Variants in NCMAP observed in about 807,000 individuals in gnomAD.
The protein encoded by NCMAP is non-compact myelin associated protein.
Under a neutral mutation model 7.8 loss-of-function variants are expected in NCMAP, and 8 were observed. That is an observed-to-expected ratio of 1.02 (90% CI 0.60 to 1.84). The LOEUF is 1.84. Ranked by LOEUF, NCMAP falls within the 40% of genes most tolerant of loss-of-function variation. NCMAP has a pLI of 0.00. For missense variants in NCMAP, 112 were observed against 131.4 expected (o/e 0.85, Z 0.72); for synonymous variants, 41 against 52.9 (o/e 0.78, Z 0.98).
chr1:24,604,701 G>C (rs1445034499), intron 3 of NCMAP, among the ~76,000 whole-genome samples: 1 of 129,428 alleles, frequency 7.7e-6, no homozygotes. Context: ...ATAATTGTTG[G>C]CCAGGCATAG....
chr1:24,595,080 G>A (rs1373276525), intron 1 of NCMAP, among the ~76,000 whole-genome samples: 1 of 152,136 alleles, frequency 6.6e-6, no homozygotes. Context: ...GTCAACTTGG[G>A]ACTCCAGGTA....
At chr1:24,559,943 C>T (rs1401649436) in intron 1 of NCMAP, among the ~76,000 whole-genome samples, 3 of 152,100 alleles carry the variant, frequency 2.0e-5, no homozygotes, top group Admixed American at 1.3e-4. Flanking sequence ...AGGTGGATCA[C>T]GAAGTCAGGA....
intron 1 of NCMAP, among the ~76,000 whole-genome samples, chr1:24,582,699 G>C (rs1011777575): frequency 2.6e-5 from 4 of 152,158 alleles, no homozygotes; most frequent in Non-Finnish European, 5.9e-5. Flanking sequence ...TTTGATTTTA[G>C]CCCACTAAGG....
intron 1 of NCMAP, among the ~76,000 whole-genome samples, chr1:24,577,433 G>GT (rs1329465061): frequency 5.1e-5 from 2 of 39,028 alleles, no homozygotes; most frequent in Admixed American, 2.6e-4. Context: ...TTTTTTTTTG[G>GT]TTTTTTTGTT....
chr1:24,559,930 G>C (rs917861231), intron 1 of NCMAP, among the ~76,000 whole-genome samples: 5 of 152,172 alleles, frequency 3.3e-5, no homozygotes, highest in African/African-American at 1.2e-4. Flanking sequence ...GGGAGGCCGA[G>C]GCAGGTGGAT....
rs1322981626 is a variant in NCMAP at position 24,576,372 on chromosome 1, G to A, written c.-7-19052G>A. Among the ~76,000 whole-genome samples the A allele has an allele frequency of 2.0e-5, 3 of 152,216 alleles. No individual in the cohort carries two copies. The highest frequency in any genetic ancestry group is 4.4e-5 in the Non-Finnish European group (3 of 68,042). Reference sequence around the variant, plus strand: ...TGTATCTTTGGGCCTATTGTGACTGGCCACTGGCCAGCTCACACCGTGGGC... The same window carrying A: ...TGTATCTTTGGGCCTATTGTGACTGACCACTGGCCAGCTCACACCGTGGGC... On this transcript the variant is annotated intron_variant, in intron 1 of 3. Coordinates refer to ENST00000374392, the MANE Select transcript of NCMAP (RefSeq NM_001010980.5). The surrounding 1 kb of genome is among the most constrained non-coding windows in gnomAD (Gnocchi z 4.0).
At position 24,608,888 on chromosome 1, in the gene NCMAP, C is replaced by CCTGT. The variant is rs1466718565; in HGVS notation, c.*3144_*3147dup. Reference sequence around the variant, plus strand: ...TCCAGCCGGGGTGACAGAGCCAGACCCTGTCTCAAAGCATATTTCAACCCT... The same window carrying CCTGT: ...TCCAGCCGGGGTGACAGAGCCAGACCCTGTCTGTCTCAAAGCATATTTCAACCCT... On this transcript the variant is annotated 3_prime_UTR_variant, in exon 4 of 4. Coordinates refer to ENST00000374392, the MANE Select transcript of NCMAP (RefSeq NM_001010980.5). 6.6e-6 allele frequency: 1 copy of CCTGT among 152,282 alleles called. No homozygotes were observed. Among genetic ancestry groups the CCTGT allele is most frequent in the African/African-American group, 2.4e-5 (1 of 41,370 alleles). 9.4% of individuals were successfully genotyped at this position (152,282 alleles called of 1,614,324 possible).
At chr1:24,578,314 G>A (rs898995434) in intron 1 of NCMAP, among the ~76,000 whole-genome samples, 7 of 151,272 alleles carry the variant, frequency 4.6e-5, no homozygotes, top group African/African-American at 1.7e-4. Context: ...ATGTGCTCCC[G>A]GGGGCTTTGC....
rs1652650862 is a variant in NCMAP at position 24,604,622 on chromosome 1, A to ATGTGTGTGTGTGTGTGTG, written c.168-983_168-982insGTGTGTGTGTGTGTGTGT. On this transcript the variant is annotated intron_variant, in intron 3 of 3. Transcript: ENST00000374392. ...AAAAAAAAAATATATATATATATATATATATATATATATATATATATATAT... is the reference window on the plus strand; with the variant it reads ...AAAAAAAAAATATATATATATATATATGTGTGTGTGTGTGTGTGTATATATATATATATATATATATAT... Among the ~76,000 whole-genome samples the ATGTGTGTGTGTGTGTGTG allele has an allele frequency of 2.0e-4, 11 of 54,458 alleles. 3 individuals carry two copies. The highest frequency in any genetic ancestry group is 1.6e-3 in the African/African-American group (11 of 6,920). 35.7% of individuals were successfully genotyped at this position (54,458 alleles called of 152,430 possible).
chr1:24,585,578 C>A (rs1190709132), intron 1 of NCMAP, among the ~76,000 whole-genome samples: 1 of 152,188 alleles, frequency 6.6e-6, no homozygotes, highest in Non-Finnish European at 1.5e-5. Flanking sequence ...GATCTCCAAA[C>A]TGGGCTATTT....
rs9661044 is a variant in NCMAP at position 24,606,451 on chromosome 1, T to C, written c.*704T>C. On this transcript the variant is annotated 3_prime_UTR_variant, in exon 4 of 4. Coordinates refer to ENST00000374392, the MANE Select transcript of NCMAP (RefSeq NM_001010980.5). The stretch of plus-strand genomic sequence containing the variant: ...TGTTGTGTTGTCCGTGGGCCTGGAA[T>C]GATCCTGGTGGCTGATCAGGGTCCT... 0.56 allele frequency: 85,764 copies of C among 152,304 alleles called. 24,263 individuals carry two copies. The highest frequency in any genetic ancestry group is 0.62 in the East Asian group (3,205 of 5,170). The allele number at this position is 152,304 out of a possible 1,614,324, so 9.4% of individuals were successfully genotyped here.
Position 24,562,525 on chromosome 1 carries a change from A to G in NCMAP, c.-8+6356A>G, listed in dbSNP as rs570598710. ...TATCACCCAACACAATGCCCGCTACATACCAGCTTTCCATGTGGAATGAAC... is the reference window on the plus strand; with the variant it reads ...TATCACCCAACACAATGCCCGCTACGTACCAGCTTTCCATGTGGAATGAAC... On this transcript the variant is annotated intron_variant, in intron 1 of 3. Coordinates refer to ENST00000374392, the MANE Select transcript of NCMAP (RefSeq NM_001010980.5). 3.3e-5 allele frequency among the ~76,000 whole-genome samples: 5 copies of G among 152,308 alleles called. No individual in the cohort carries two copies. The South Asian group carries it at 8.3e-4, about 25-fold the overall frequency.
At chr1:24,603,264 T>C (rs1428312781) in intron 3 of NCMAP, among the ~76,000 whole-genome samples, 2 of 152,058 alleles carry the variant, frequency 1.3e-5, no homozygotes, top group East Asian at 3.9e-4. Flanking sequence ...CCCAAGGTTG[T>C]TCAGCCCTAA....
Position 24,607,392 on chromosome 1 carries a change from T to C in NCMAP, c.*1645T>C, listed in dbSNP as rs1652800422. 5 of 152,110 alleles carry C rather than the reference T, an allele frequency of 3.3e-5. No individual in the cohort carries two copies. The South Asian group carries it at 1.0e-3, about 32-fold the overall frequency. The allele number at this position is 152,110 out of a possible 1,614,324, so 9.4% of individuals were successfully genotyped here. A position where few individuals can be genotyped will look rare whatever the true frequency, so the allele number is the denominator to read the frequency against. On this transcript the variant is annotated 3_prime_UTR_variant, in exon 4 of 4. Transcript: ENST00000374392. ...TTAATGATTCTGAAATCAGAACATATCTTGCAATTGATGGGTTCATTAATA... is the reference window on the plus strand; with the variant it reads ...TTAATGATTCTGAAATCAGAACATACCTTGCAATTGATGGGTTCATTAATA...
intron 1 of NCMAP, among the ~76,000 whole-genome samples, chr1:24,562,467 G>A (rs1194629191): frequency 7.2e-5 from 11 of 152,196 alleles, no homozygotes; most frequent in Non-Finnish European, 1.3e-4. Flanking sequence ...CTCCCTGAGG[G>A]TGAGGACTGT....
chr1:24,568,181 G>A (rs555245178), intron 1 of NCMAP, among the ~76,000 whole-genome samples: 318 of 152,220 alleles, frequency 2.1e-3, no homozygotes, highest in Non-Finnish European at 3.4e-3. Context: ...ACCTGAGCCC[G>A]GGGGCAGAGA....
intron 2 of NCMAP, among the ~76,000 whole-genome samples, chr1:24,597,924 G>C (rs1056225516): frequency 1.3e-5 from 2 of 151,810 alleles, no homozygotes; most frequent in African/African-American, 4.8e-5. Context: ...TACCACCAGG[G>C]GCCATTTGGC....
intron 1 of NCMAP, among the ~76,000 whole-genome samples, chr1:24,557,414 T>C (rs1346081458): frequency 4.3e-5 from 5 of 116,602 alleles, no homozygotes. Context: ...TGTGTGCGCT[T>C]GTGTGCATGT....
At chr1:24,583,256 G>T (rs1187835147) in intron 1 of NCMAP, among the ~76,000 whole-genome samples, 4 of 152,102 alleles carry the variant, frequency 2.6e-5, no homozygotes, top group African/African-American at 9.7e-5. Flanking sequence ...AGAGGCCAAG[G>T]ATGCTGCGAT....
Sources: allele counts gnomAD v4.1 joint callset (sites outside exome capture counted in the v4.1 genomes callset), GRCh38; gene constraint gnomAD v4.1.1; non-coding constraint Gnocchi (gnomAD v3.1); transcripts MANE v1.5; gene names NCBI Gene and HGNC (gene_info 2026-07-23, HGNC 2026-07-21).